Variants in UNC79 observed in about 807,000 individuals in gnomAD.
The protein encoded by UNC79 is protein unc-79 homolog.
In UNC79, 37 loss-of-function variants were observed where a neutral mutation model predicts 283.1. The observed-to-expected ratio is 0.13, with a 90% CI of 0.10 to 0.17. UNC79 has a LOEUF of 0.17. Among genes scored for constraint, UNC79 ranks in the 10% least tolerant of loss-of-function variants. The pLI, the probability that UNC79 is intolerant of heterozygous loss-of-function variation, is 1.00. For missense variants in UNC79, 2,272 were observed against 3,211.1 expected, an observed-to-expected ratio of 0.71 and a Z score of 7.07; for synonymous variants, 1,107 against 1,200.2, an observed-to-expected ratio of 0.92 and a Z score of 1.61.
chr14:93,609,450 T>C (rs1037166950), intron 26 of UNC79, among the ~76,000 whole-genome samples: 5 of 152,230 alleles, frequency 3.3e-5, no homozygotes, highest in African/African-American at 1.2e-4. Context: ...TACACAGCTC[T>C]GTGGGCAGAT....
intron 11 of UNC79, among the ~76,000 whole-genome samples, chr14:93,534,164 C>T (rs551497207): frequency 6.6e-6 from 1 of 152,334 alleles, no homozygotes; most frequent in South Asian, 2.1e-4. Context: ...TCAACAGTTC[C>T]TCTGTCTCCA....
At position 93,340,128 on chromosome 14, in the gene UNC79, T is replaced by C. The variant is rs895321771; in HGVS notation, c.-351+6605T>C. ...ACTGGTTACAACTTGGCAGTTGCCT[T>C]ATTTGAATATGGTTTTAAGAGTTGG... On this transcript the variant is annotated intron_variant, in intron 1 of 49. Transcript: ENST00000256339. Among the ~76,000 whole-genome samples the C allele has an allele frequency of 2.0e-5, 3 of 152,184 alleles. No individual in the cohort carries two copies. In the South Asian group the frequency reaches 6.2e-4, roughly 31 times the overall value.
At chr14:93,500,862 A>G (rs1476203612) in intron 7 of UNC79, among the ~76,000 whole-genome samples, 1 of 152,232 alleles carries the variant, frequency 6.6e-6, no homozygotes, top group African/African-American at 2.4e-5. Flanking sequence ...GCCTACTGCA[A>G]GACATACCAA....
chr14:93,578,758 TTATAG>T (rs1001868355), intron 18 of UNC79, among the ~76,000 whole-genome samples: 1 of 152,184 alleles, frequency 6.6e-6, no homozygotes, highest in Non-Finnish European at 1.5e-5. Context: ...ATTAATAGTG[TTATAG>T]TACTACTACA....
rs566310189 is a variant in UNC79, at chr14:93,417,022, T to C, written c.-350-50649T>C. On this transcript the variant is annotated intron_variant, in intron 1 of 49. Transcript: ENST00000256339. ...AATTGGAGCATTTAGTCCATTTACA[T>C]TTAAAGTTAATATTGTTATGTGTGA... is the stretch of plus-strand genomic sequence containing the variant. Among the ~76,000 whole-genome samples the C allele has an allele frequency of 2.8e-3, 422 of 152,152 alleles. 2 individuals are homozygous for C. Among genetic ancestry groups the C allele is most frequent in the Middle Eastern group, 0.024 (7 of 294 alleles).
chr14:93,493,901 A>ATATATTT (rs1251701550), intron 5 of UNC79, among the ~76,000 whole-genome samples: 13 of 49,252 alleles, frequency 2.6e-4, no homozygotes, highest in East Asian at 1.5e-3. Flanking sequence ...ATATATATAT[A>ATATATTT]TTTTTTTTTT....
intron 42 of UNC79, among the ~76,000 whole-genome samples, chr14:93,682,935 G>T (rs1219559578): frequency 6.6e-6 from 1 of 152,196 alleles, no homozygotes; most frequent in Non-Finnish European, 1.5e-5. Flanking sequence ...TTAGCAAGGA[G>T]CCAGACATAG....
intron 44 of UNC79, chr14:93,689,875 T>C: frequency 2.1e-6 from 1 of 481,420 alleles, no homozygotes. Context: ...TGTGGAAGAA[T>C]GCTGTGTAAT....
chr14:93,361,065 T>C (rs910461854), intron 1 of UNC79, among the ~76,000 whole-genome samples: 7 of 151,416 alleles, frequency 4.6e-5, no homozygotes, highest in African/African-American at 1.7e-4. Flanking sequence ...AATACAAAAA[T>C]TACCCGGGCA....
chr14:93,480,986 C>A (rs1034030513), intron 4 of UNC79, among the ~76,000 whole-genome samples: 1 of 152,096 alleles, frequency 6.6e-6, no homozygotes, highest in Non-Finnish European at 1.5e-5. Flanking sequence ...TCCTTAAGGA[C>A]CTAGAAGATA....
At chr14:93,462,674 G>A (rs2140226227) in intron 1 of UNC79, among the ~76,000 whole-genome samples, 1 of 149,408 alleles carries the variant, frequency 6.7e-6, no homozygotes, top group South Asian at 2.1e-4. Flanking sequence ...TTAGTGATAA[G>A]ACTTAGTGAT....
chr14:93,669,380 C>T (rs1048810245), intron 40 of UNC79, among the ~76,000 whole-genome samples: 6 of 152,104 alleles, frequency 3.9e-5, no homozygotes, highest in African/African-American at 1.4e-4. Flanking sequence ...CATTTTTACC[C>T]AGGGAGTGTT....
chr14:93,486,656 G>GAAAAAAAA lies in UNC79; in HGVS notation c.620-1007_620-1006insAAAAAAAA, dbSNP rs374088349. Among the ~76,000 whole-genome samples the GAAAAAAAA allele has an allele frequency of 3.1e-3, 242 of 76,872 alleles. 56 individuals are homozygous for GAAAAAAAA. The highest frequency in any genetic ancestry group is 0.013 in the Middle Eastern group (2 of 156). The allele number at this position is 76,872 out of a possible 152,430, so 50.4% of individuals were successfully genotyped here. On this transcript the variant is annotated intron_variant, in intron 4 of 48. Transcript: ENST00000555664. ...GCAACAAGAGTGAGACTCTGTCTAAGGAAAAAAAAAAAAAAAAAAAAAGAA... is the reference window on the plus strand; with the variant it reads ...GCAACAAGAGTGAGACTCTGTCTAAGAAAAAAAAGAAAAAAAAAAAAAAAAAAAAAGAA...
At chr14:93,591,865 T>G (rs2064708638) in intron 22 of UNC79, among the ~76,000 whole-genome samples, 1 of 152,212 alleles carries the variant, frequency 6.6e-6, no homozygotes, top group African/African-American at 2.4e-5. Flanking sequence ...AGAGAGGAAC[T>G]GCTCACACAG....
chr14:93,622,871 C>T, intron 30 of UNC79, 30 bp downstream of exon 32: 1 of 1,596,082 alleles, frequency 6.3e-7, no homozygotes, highest in Non-Finnish European at 8.5e-7. Context: ...TTCTCTCAGC[C>T]TTAACTTTAA....
chr14:93,490,369 G>A (rs576184682), intron 5 of UNC79, among the ~76,000 whole-genome samples: 1 of 152,278 alleles, frequency 6.6e-6, no homozygotes, highest in East Asian at 1.9e-4. Flanking sequence ...AAATCTTTAA[G>A]TCTTCTTCCT....
At chr14:93,462,910 C>T (rs972177613) in intron 1 of UNC79, among the ~76,000 whole-genome samples, 1 of 152,058 alleles carries the variant, frequency 6.6e-6, no homozygotes, top group African/African-American at 2.4e-5. Context: ...TCGATGAGGC[C>T]TGTTATTCAC....
At chr14:93,475,568 G>A (rs929378781) in intron 3 of UNC79, among the ~76,000 whole-genome samples, 4 of 151,732 alleles carry the variant, frequency 2.6e-5, no homozygotes. Flanking sequence ...CTTAAATCTA[G>A]CCACTTCTGC....
intron 24 of UNC79, 107 bp downstream of exon 24, chr14:93,597,647 T>A: frequency 8.3e-7 from 1 of 1,198,722 alleles, no homozygotes; most frequent in Non-Finnish European, 1.1e-6. Flanking sequence ...TATAACAGAA[T>A]ACCATAAACT....
Sources: allele counts gnomAD v4.1 joint callset (sites outside exome capture counted in the v4.1 genomes callset), GRCh38; gene constraint gnomAD v4.1.1; transcripts MANE v1.5; gene names NCBI Gene and HGNC (gene_info 2026-07-23, HGNC 2026-07-21).